The following NTNG1 variants were observed in gnomAD, a reference collection of about 807,000 sequenced individuals.
The protein encoded by NTNG1 is netrin G1, also known as netrin-G1.
Under a neutral mutation model 54.0 loss-of-function variants are expected in NTNG1, and 16 were observed. That is an observed-to-expected ratio of 0.30 (90% CI 0.20 to 0.45). NTNG1 has a LOEUF of 0.45. NTNG1 is among the 20% of genes least tolerant of loss of function. The pLI is 1.00. For synonymous variants in NTNG1, 255 were observed against 263.1 expected, an observed-to-expected ratio of 0.97 and a Z score of 0.30; for missense variants, 530 against 678.7, an observed-to-expected ratio of 0.78 and a Z score of 2.43.
At chr1:107,324,971 A>T in intron 3 of NTNG1, 49 bp downstream of exon 3, 1 of 1,527,588 alleles carries the variant, frequency 6.5e-7, no homozygotes, top group Non-Finnish European at 8.8e-7. Context: ...TGTCCAAAGA[A>T]AATGCCAGAG....
At chr1:107,174,921 A>C (rs1422841094) in intron 2 of NTNG1, among the ~76,000 whole-genome samples, 1 of 152,162 alleles carries the variant, frequency 6.6e-6, no homozygotes, top group Non-Finnish European at 1.5e-5. Flanking sequence ...TGAATGAATG[A>C]ATGAATGAAT....
chr1:107,266,756 G>A (rs1371736855), intron 2 of NTNG1, among the ~76,000 whole-genome samples: 1 of 151,676 alleles, frequency 6.6e-6, no homozygotes, highest in Non-Finnish European at 1.5e-5. Context: ...AAGATTATGT[G>A]TGGACTGCTT....
intron 2 of NTNG1, among the ~76,000 whole-genome samples, chr1:107,206,071 G>A (rs537106561): frequency 6.6e-6 from 1 of 152,030 alleles, no homozygotes; most frequent in Non-Finnish European, 1.5e-5. Context: ...AAACTTTCTA[G>A]TACATATTTT....
chr1:107,309,946 A>T (rs1201902384), intron 2 of NTNG1, among the ~76,000 whole-genome samples: 1 of 152,190 alleles, frequency 6.6e-6, no homozygotes, highest in East Asian at 1.9e-4. Context: ...TCTTTTAACT[A>T]GGTTCCATGA....
intron 2 of NTNG1, among the ~76,000 whole-genome samples, chr1:107,271,092 ATAATT>A (rs1023915715): frequency 6.6e-6 from 1 of 152,218 alleles, no homozygotes; most frequent in Non-Finnish European, 1.5e-5. Context: ...TAAAATTAAG[ATAATT>A]TAAATAGTTA....
chr1:107,249,661 T>G (rs965329386), intron 2 of NTNG1, among the ~76,000 whole-genome samples: 1 of 152,174 alleles, frequency 6.6e-6, no homozygotes, highest in Non-Finnish European at 1.5e-5. Context: ...TAAAATCTCT[T>G]TCTCTTAATA....
At chr1:107,451,374 A>C (rs1676618234) in intron 7 of NTNG1, among the ~76,000 whole-genome samples, 1 of 152,030 alleles carries the variant, frequency 6.6e-6, no homozygotes, top group Non-Finnish European at 1.5e-5. Flanking sequence ...AGTAAACTAA[A>C]AGGCACTGAG....
At chr1:107,306,835 T>G (rs1666724887) in intron 2 of NTNG1, among the ~76,000 whole-genome samples, 1 of 152,180 alleles carries the variant, frequency 6.6e-6, no homozygotes, top group Non-Finnish European at 1.5e-5. Context: ...GTGACTTGGT[T>G]GTTTTCTAAT....
At chr1:107,167,312 T>C (rs1447744787) in intron 2 of NTNG1, among the ~76,000 whole-genome samples, 1 of 151,908 alleles carries the variant, frequency 6.6e-6, no homozygotes, top group Non-Finnish European at 1.5e-5. Flanking sequence ...CTATCTGTAA[T>C]GACAGAACAT....
chr1:107,339,172 C>T (rs765525656), intron 3 of NTNG1, among the ~76,000 whole-genome samples: 5 of 152,004 alleles, frequency 3.3e-5, no homozygotes, highest in Non-Finnish European at 7.4e-5. Context: ...AAAGCTAGGC[C>T]TCCAGCTCCA....
In NTNG1 at chr1:107,483,324, A is replaced by G. The variant is rs956042666; in HGVS notation, c.*2484A>G. 2 of 152,236 alleles carry G rather than the reference A, an allele frequency of 1.3e-5. No homozygotes were observed. The highest frequency in any genetic ancestry group is 6.5e-5 in the Admixed American group (1 of 15,286). 9.4% of individuals were successfully genotyped at this position (152,236 alleles called of 1,614,324 possible). On this transcript the variant is annotated 3_prime_UTR_variant, in exon 8 of 8. Transcript: ENST00000370068. The stretch of plus-strand genomic sequence containing the variant: ...ATGAAGGCCTGATTTAAACTGATTC[A>G]TCTGCATTTTATCTTTATGAGGCCA...
chr1:107,215,427 A>C (rs1659885224), intron 2 of NTNG1, among the ~76,000 whole-genome samples: 1 of 152,180 alleles, frequency 6.6e-6, no homozygotes, highest in Non-Finnish European at 1.5e-5. Context: ...GTCTTGTCAA[A>C]GATCAGTTGA....
intron 2 of NTNG1, among the ~76,000 whole-genome samples, chr1:107,252,543 TTC>T: frequency 6.6e-6 from 1 of 152,268 alleles, no homozygotes; most frequent in South Asian, 2.1e-4. Flanking sequence ...TGCTTCTGGG[TTC>T]TTTCCCTAGT....
intron 5 of NTNG1, chr1:107,421,235 C>G: frequency 1.1e-6 from 1 of 875,268 alleles, no homozygotes; most frequent in East Asian, 2.6e-5. Context: ...TGAAGTGTAC[C>G]CATCAGCTTA....
At chr1:107,182,196 A>G (rs1310558270) in intron 2 of NTNG1, among the ~76,000 whole-genome samples, 1 of 152,148 alleles carries the variant, frequency 6.6e-6, no homozygotes, top group Non-Finnish European at 1.5e-5. Flanking sequence ...TTTATGATCC[A>G]TATCTAACAT....
At chr1:107,349,323 TA>T (rs1364120216) in intron 3 of NTNG1, among the ~76,000 whole-genome samples, 1 of 152,156 alleles carries the variant, frequency 6.6e-6, no homozygotes, top group African/African-American at 2.4e-5. Flanking sequence ...TATAAAATAA[TA>T]ATCTATTTTT....
At chr1:107,366,506 TG>T (rs749604826) in intron 3 of NTNG1, among the ~76,000 whole-genome samples, 10 of 152,216 alleles carry the variant, frequency 6.6e-5, no homozygotes, top group Non-Finnish European at 1.0e-4. Context: ...GAGTCAAGGA[TG>T]ATGTTCCAAA....
At chr1:107,383,957 A>G (rs921450860) in intron 3 of NTNG1, among the ~76,000 whole-genome samples, 12 of 152,324 alleles carry the variant, frequency 7.9e-5, no homozygotes, top group African/African-American at 2.9e-4. Context: ...TTTTAATTTA[A>G]CAAGCCTTTT....
chr1:107,307,587 A>C (rs1666765650), intron 2 of NTNG1, among the ~76,000 whole-genome samples: 1 of 152,226 alleles, frequency 6.6e-6, no homozygotes, highest in Non-Finnish European at 1.5e-5. Flanking sequence ...AACTCTGAGA[A>C]AAGACAGTTT....
Sources: allele counts gnomAD v4.1 joint callset (sites outside exome capture counted in the v4.1 genomes callset), GRCh38; gene constraint gnomAD v4.1.1; transcripts MANE v1.5; gene names NCBI Gene and HGNC (gene_info 2026-07-23, HGNC 2026-07-21).